Variants in APBA2 observed in about 807,000 individuals in gnomAD.
APBA2 encodes amyloid beta precursor protein binding family A member 2.
Under a neutral mutation model 75.0 loss-of-function variants are expected in APBA2, and 30 were observed. The observed-to-expected ratio is 0.40, with a 90% confidence interval of 0.30 to 0.54. The LOEUF (loss-of-function observed/expected upper bound fraction) is 0.54, where lower values mean the gene tolerates loss of function less well. Among genes scored for constraint, APBA2 ranks in the 20% least tolerant of loss-of-function variants. The pLI, the probability that APBA2 is intolerant of heterozygous loss-of-function variation, is 0.49. For synonymous variants in APBA2, 444 were observed against 409.6 expected, an observed-to-expected ratio of 1.08 and a Z score of -1.01; for missense variants, 801 against 1,016.1, an observed-to-expected ratio of 0.79 and a Z score of 2.88.
At chr15:29,087,595 C>T (rs931023453) in intron 6 of APBA2, among the ~76,000 whole-genome samples, 15 of 152,190 alleles carry the variant, frequency 9.9e-5, no homozygotes, top group Non-Finnish European at 1.9e-4. Context: ...ATTATAGGGT[C>T]ACCTTCAGTG....
intron 1 of APBA2, among the ~76,000 whole-genome samples, chr15:28,893,496 G>A (rs575537409): frequency 3.2e-4 from 48 of 152,350 alleles, no homozygotes; most frequent in African/African-American, 1.2e-3. Flanking sequence ...GAGCCCCTGA[G>A]GCAGGACTGA....
At chr15:28,980,483 T>C (rs765750985) in intron 2 of APBA2, among the ~76,000 whole-genome samples, 62 of 152,044 alleles carry the variant, frequency 4.1e-4, no homozygotes, top group Non-Finnish European at 7.2e-4. Flanking sequence ...CCATTTACAA[T>C]CGCCACACAC....
chr15:28,956,979 G>C (rs1173048920), intron 2 of APBA2, among the ~76,000 whole-genome samples: 3 of 152,220 alleles, frequency 2.0e-5, no homozygotes, highest in South Asian at 4.1e-4. Context: ...TCTGGTGAAG[G>C]ATGCTTGGGT....
At position 29,101,579 on chromosome 15, in the gene APBA2, C is replaced by T; in HGVS notation, c.1339-20C>T. On this transcript the variant is annotated intron_variant, in intron 9 of 14. Transcript: ENST00000683413. ...GTCCCAGTAGTGTTCCCTGACGTGG[C>T]ACTGTCTCCCTCCCGACAGGAAACC... 6.2e-7 allele frequency: 1 copy of T among 1,610,114 alleles called. No homozygotes were observed. The highest frequency in any genetic ancestry group is 8.5e-7 in the Non-Finnish European group (1 of 1,178,398).
chr15:29,059,443 T>G (rs1425969269), intron 4 of APBA2, among the ~76,000 whole-genome samples: 2 of 152,258 alleles, frequency 1.3e-5, no homozygotes, highest in Middle Eastern at 3.4e-3. Context: ...AATGGCTAAA[T>G]TTGCAGATTC....
intron 6 of APBA2, among the ~76,000 whole-genome samples, chr15:29,078,786 C>A (rs2042964014): frequency 6.6e-6 from 1 of 152,134 alleles, no homozygotes; most frequent in Non-Finnish European, 1.5e-5. Context: ...GCTTCTCGTT[C>A]TAGGCAGGAA....
intron 2 of APBA2, among the ~76,000 whole-genome samples, chr15:28,983,628 C>T (rs1289952474): frequency 6.6e-6 from 1 of 152,200 alleles, no homozygotes; most frequent in Non-Finnish European, 1.5e-5. Context: ...GCTCATGGGC[C>T]CCACCCACCC....
chr15:28,934,144 A>G (rs1595494230), intron 2 of APBA2, among the ~76,000 whole-genome samples: 1 of 152,214 alleles, frequency 6.6e-6, no homozygotes, highest in Non-Finnish European at 1.5e-5. Context: ...CCAGCCCTCC[A>G]CAGCCTTGGG....
In APBA2 at chr15:28,987,727, G is replaced by GATATATATATATATATATATATAT. The variant is rs1252518408; in HGVS notation, c.-94-8025_-94-8024insTATATATATATATATATATATATA. ...GGGAGTGTCAAAGAATATGTGGAGA[G>GATATATATATATATATATATATAT]AGATATATATATATATATATATATA... On this transcript the variant is annotated intron_variant, in intron 2 of 14. Coordinates refer to ENST00000683413, the MANE Select transcript of APBA2 (RefSeq NM_001353788.2). 3.5e-5 allele frequency among the ~76,000 whole-genome samples: 4 copies of GATATATATATATATATATATATAT among 115,124 alleles called. 1 individual carries two copies. Among genetic ancestry groups the GATATATATATATATATATATATAT allele is most frequent in the Non-Finnish European group, 6.6e-5 (4 of 60,974 alleles). The allele number at this position is 115,124 out of a possible 152,430, so 75.5% of individuals were successfully genotyped here. A position where few individuals can be genotyped will look rare whatever the true frequency, so the allele number is the denominator to read the frequency against.
At chr15:29,088,182 G>T (rs2043379663) in intron 6 of APBA2, among the ~76,000 whole-genome samples, 1 of 152,122 alleles carries the variant, frequency 6.6e-6, no homozygotes. Context: ...GCTAGCATGG[G>T]TGTAGATGGG....
chr15:28,988,677 C>T (rs2038057271), intron 2 of APBA2, among the ~76,000 whole-genome samples: 1 of 152,196 alleles, frequency 6.6e-6, no homozygotes, highest in South Asian at 2.1e-4. Context: ...AAACATAAGA[C>T]TATTTGTCGT....
At chr15:29,009,732 A>G (rs2039305509) in intron 3 of APBA2, among the ~76,000 whole-genome samples, 1 of 152,194 alleles carries the variant, frequency 6.6e-6, no homozygotes, top group South Asian at 2.1e-4. Context: ...TGTGAGAGTC[A>G]CTCACAGGTG....
At chr15:28,995,199 A>G (rs1220406033) in intron 2 of APBA2, among the ~76,000 whole-genome samples, 1 of 152,080 alleles carries the variant, frequency 6.6e-6, no homozygotes, top group Admixed American at 6.5e-5. Flanking sequence ...TCCTCTATTC[A>G]GGGAAGTCTG....
chr15:29,005,848 A>G (rs558214510), intron 3 of APBA2, among the ~76,000 whole-genome samples: 5 of 150,966 alleles, frequency 3.3e-5, no homozygotes, highest in African/African-American at 1.2e-4. Context: ...TGGGCAACAG[A>G]GCGAGACTCT....
chr15:29,108,310 G>A lies in APBA2; in HGVS notation c.1958G>A (p.Ser653Asn). The change falls in exon 13 of 15, where the codon AGC becomes AAC. Residue 653 changes from serine (S) to asparagine (N), a missense_variant. By Grantham distance (46) the Ser-to-Asn change is conservative. This residue lies in a region of APBA2 where 367 missense variants were observed against 544.5 expected (regional missense o/e 0.67). Coordinates refer to ENST00000683413, the MANE Select transcript of APBA2 (RefSeq NM_001353788.2). The part of the protein sequence containing the change: ...NQTQVKLNIV[S>N]CPPVTTVLIK... ...ACACAGGTGAAGCTCAACATTGTCA[G>A]CTGTCCCCCGGTCACCACGGTCCTT... The A allele has an allele frequency of 6.2e-7, 1 of 1,614,026 alleles. No homozygotes were observed. The highest frequency in any genetic ancestry group is 8.5e-7 in the Non-Finnish European group (1 of 1,180,024).
At chr15:29,083,152 T>C (rs1294559301) in intron 6 of APBA2, among the ~76,000 whole-genome samples, 1 of 152,250 alleles carries the variant, frequency 6.6e-6, no homozygotes, top group African/African-American at 2.4e-5. Context: ...AATTGATTTA[T>C]CTGGAATTTA....
chr15:29,054,365 C>A lies in APBA2; in HGVS notation c.481C>A (p.Pro161Thr). 6.2e-7 allele frequency: 1 copy of A among 1,614,132 alleles called. No homozygotes were observed. Among genetic ancestry groups the A allele is most frequent in the Non-Finnish European group, 8.5e-7 (1 of 1,180,038 alleles). Reference protein sequence around the residue: ...GHEAEGSQDYPDGQLPIPEDE... With the variant: ...GHEAEGSQDYTDGQLPIPEDE... The stretch of plus-strand genomic sequence containing the variant: ...CGAGGCTGAAGGCAGCCAGGACTAC[C>A]CAGACGGCCAACTGCCCATTCCGGA... The change falls in exon 4 of 15, where the codon CCA (proline) becomes ACA (threonine). Residue 161 changes from proline to threonine, a missense_variant. Transcript: ENST00000683413. The surrounding 1 kb of genome is among the most constrained non-coding windows in gnomAD (Gnocchi z 6.1).
intron 2 of APBA2, among the ~76,000 whole-genome samples, chr15:28,942,054 T>C (rs1385585815): frequency 6.6e-6 from 1 of 152,250 alleles, no homozygotes; most frequent in Non-Finnish European, 1.5e-5. Context: ...CCACTGCGCC[T>C]GGCCTCATAG....
intron 1 of APBA2, among the ~76,000 whole-genome samples, chr15:28,912,405 T>C (rs1172366845): frequency 2.6e-5 from 4 of 152,220 alleles, no homozygotes; most frequent in Non-Finnish European, 5.9e-5. Context: ...TTTTAGAATA[T>C]GCAAGGGAGA....
Sources: allele counts gnomAD v4.1 joint callset (sites outside exome capture counted in the v4.1 genomes callset), GRCh38; gene constraint gnomAD v4.1.1; regional missense constraint gnomAD v4.1.1; non-coding constraint Gnocchi (gnomAD v3.1); transcripts MANE v1.5; gene names NCBI Gene and HGNC (gene_info 2026-07-23, HGNC 2026-07-21).